Variants in CCDC85C observed in about 807,000 individuals in gnomAD.
CCDC85C encodes coiled-coil domain-containing protein 85C.
In CCDC85C, 18 loss-of-function variants were observed where a neutral mutation model predicts 38.3. The ratio of observed to expected loss-of-function variants is 0.47; its 90% CI spans 0.33 to 0.70. The LOEUF is 0.70. CCDC85C is among the 30% of genes least tolerant of loss of function. The probability of loss-of-function intolerance (pLI) is 0.03; values close to 1 mark genes in which losing one functional copy is unlikely to be tolerated. For synonymous variants in CCDC85C, 264 were observed against 293.8 expected (o/e 0.90, Z 1.04); for missense variants, 566 against 621.2 (o/e 0.91, Z 0.94).
At chr14:99,568,250 ATTTTT>A (rs3070390) in intron 1 of CCDC85C, among the ~76,000 whole-genome samples, 2 of 126,932 alleles carry the variant, frequency 1.6e-5, no homozygotes, top group African/African-American at 3.0e-5. Context: ...CCTGCCCTTT[ATTTTT>A]TTTTTTTTTT....
intron 1 of CCDC85C, among the ~76,000 whole-genome samples, chr14:99,589,832 C>T (rs552942758): frequency 7.9e-5 from 12 of 152,324 alleles, no homozygotes; most frequent in African/African-American, 2.9e-4. Context: ...CAGGAGAATC[C>T]CGCCACTGCC....
chr14:99,531,975 G>A (rs1897503128), intron 2 of CCDC85C, among the ~76,000 whole-genome samples: 1 of 152,212 alleles, frequency 6.6e-6, no homozygotes, highest in African/African-American at 2.4e-5. Flanking sequence ...TTCTGAGCAA[G>A]AACAGCCTCC....
rs1896800300 is a variant in CCDC85C at position 99,500,572 on chromosome 14, C to T, written c.*14674G>A. 3 of 543,968 alleles carry T rather than the reference C, an allele frequency of 5.5e-6. No individual in the cohort carries two copies. Among genetic ancestry groups the T allele is most frequent in the Admixed American group, 3.7e-5 (1 of 27,060 alleles). 33.7% of individuals were successfully genotyped at this position (543,968 alleles called of 1,614,324 possible). ...TACATTACACCTCTGCTTTGTCTTC[C>T]TGTTTGAGATCTTTTCAGAATTTAT... On this transcript the variant is annotated 3_prime_UTR_variant, in exon 6 of 6. Coordinates refer to ENST00000380243, the MANE Select transcript of CCDC85C (RefSeq NM_001144995.2).
At chr14:99,579,413 G>C (rs1036355742) in intron 1 of CCDC85C, among the ~76,000 whole-genome samples, 2 of 152,230 alleles carry the variant, frequency 1.3e-5, no homozygotes, top group African/African-American at 4.8e-5. Context: ...TGGGCTCAGA[G>C]ATACTCACAC....
At chr14:99,596,764 A>T (rs577353859) in intron 1 of CCDC85C, among the ~76,000 whole-genome samples, 1 of 152,296 alleles carries the variant, frequency 6.6e-6, no homozygotes, top group South Asian at 2.1e-4. Context: ...TCTTGTTGTT[A>T]TGTAGCAGGG....
At chr14:99,593,591 G>C (rs1334791950) in intron 1 of CCDC85C, among the ~76,000 whole-genome samples, 8 of 152,272 alleles carry the variant, frequency 5.3e-5, no homozygotes. Flanking sequence ...TCCGGCGTCT[G>C]TGCAGCACAG....
chr14:99,601,052 C>A (rs1356210402), intron 1 of CCDC85C, among the ~76,000 whole-genome samples: 1 of 152,146 alleles, frequency 6.6e-6, no homozygotes, highest in Non-Finnish European at 1.5e-5. Context: ...AAAGAAAGAA[C>A]AGCTCAGTTT....
rs763434759 is a variant in CCDC85C at position 99,603,824 on chromosome 14, T to A, written c.136A>T (p.Met46Leu). The A allele has an allele frequency of 2.6e-6, 4 of 1,524,402 alleles. No homozygotes were observed. Among genetic ancestry groups the A allele is most frequent in the Non-Finnish European group, 2.6e-6 (3 of 1,142,060 alleles). 94.4% of individuals were successfully genotyped at this position (1,524,402 alleles called of 1,614,324 possible). The change falls in exon 1 of 6, where the codon ATG becomes TTG. Residue 46 changes from methionine (M) to leucine (L), a missense_variant. Coordinates refer to ENST00000380243, the MANE Select transcript of CCDC85C (RefSeq NM_001144995.2). This position sits in a 1 kb window ranked among gnomAD's most constrained non-coding sequence, Gnocchi z 7.5. ...RRAEGEKVGL[M>L]LEHGGLMRDV... is the part of the protein sequence containing the mutation. ...CGCATCAGGCCGCCGTGCTCCAGCA[T>A]GAGGCCCACCTTCTCGCCCTCGGCG...
intron 1 of CCDC85C, among the ~76,000 whole-genome samples, chr14:99,570,006 AG>A (rs1267818814): frequency 1.3e-5 from 2 of 151,768 alleles, no homozygotes; most frequent in African/African-American, 4.8e-5. Flanking sequence ...CGTTACCCTG[AG>A]TGGTTCACAG....
intron 2 of CCDC85C, among the ~76,000 whole-genome samples, chr14:99,525,210 G>T (rs868332162): frequency 6.6e-6 from 1 of 152,182 alleles, no homozygotes; most frequent in Non-Finnish European, 1.5e-5. Flanking sequence ...GCGAGGACTC[G>T]CTGGGTGAAC....
chr14:99,512,680 A>C lies in CCDC85C; in HGVS notation c.*2566T>G, dbSNP rs558942238. 6.6e-6 allele frequency: 1 copy of C among 152,290 alleles called. No individual in the cohort carries two copies. The highest frequency in any genetic ancestry group is 6.5e-5 in the Admixed American group (1 of 15,300). 9.4% of individuals were successfully genotyped at this position (152,290 alleles called of 1,614,324 possible). On this transcript the variant is annotated 3_prime_UTR_variant, in exon 6 of 6. Transcript: ENST00000380243. Reference sequence around the variant, plus strand: ...TGCCAGTGCCGCGTCCGGCTTCAAGATCAAGAGTCAGAGCCTTTGAAATGG... The same window carrying C: ...TGCCAGTGCCGCGTCCGGCTTCAAGCTCAAGAGTCAGAGCCTTTGAAATGG...
rs1246641147 is a variant in CCDC85C, at chr14:99,544,130, C to T, written c.794-8042G>A. ...TCACACCAAGCTGACGAGGGACATC[C>T]TGTAACTGCTACCACTGTGTCATCG... On this transcript the variant is annotated intron_variant, in intron 1 of 5. Transcript: ENST00000380243. This position sits in a 1 kb window ranked among gnomAD's most constrained non-coding sequence, Gnocchi z 5.3. Among the ~76,000 whole-genome samples the T allele has an allele frequency of 6.6e-6, 1 of 152,184 alleles. No individual in the cohort carries two copies. The highest frequency in any genetic ancestry group is 1.5e-5 in the Non-Finnish European group (1 of 68,026).
rs1897220582 is a variant in CCDC85C, at chr14:99,516,115, G to A, written c.1170+73C>T. 2 of 1,138,156 alleles carry A rather than the reference G, an allele frequency of 1.8e-6. No individual in the cohort carries two copies. The highest frequency in any genetic ancestry group is 1.3e-6 in the Non-Finnish European group (1 of 773,924). The allele number at this position is 1,138,156 out of a possible 1,614,324, so 70.5% of individuals were successfully genotyped here. On this transcript the variant is annotated intron_variant, in intron 5 of 5. Coordinates refer to ENST00000380243, the MANE Select transcript of CCDC85C (RefSeq NM_001144995.2). The surrounding 1 kb of genome is among the most constrained non-coding windows in gnomAD (Gnocchi z 5.5). ...GAAATGGAGTCCCACATGGGGAAGG[G>A]TATGGCCATGCTGGGTGGCCCTGGT...
At chr14:99,589,637 G>A (rs1199730861) in intron 1 of CCDC85C, among the ~76,000 whole-genome samples, 14 of 152,328 alleles carry the variant, frequency 9.2e-5, no homozygotes, top group Admixed American at 7.2e-4. Context: ...GGGGGTTCAG[G>A]GGTCCCAGTT....
intron 1 of CCDC85C, among the ~76,000 whole-genome samples, chr14:99,573,132 G>T (rs1175124095): frequency 1.3e-5 from 2 of 152,220 alleles, no homozygotes; most frequent in African/African-American, 4.8e-5. Context: ...AGCTGCCTGG[G>T]CACCGCTTCA....
rs919871674 is a variant in CCDC85C at position 99,512,499 on chromosome 14, T to C, written c.*2747A>G. 42 of 152,278 alleles carry C rather than the reference T, an allele frequency of 2.8e-4. 1 individual carries two copies. Among genetic ancestry groups the C allele is most frequent in the Middle Eastern group, 3.4e-3 (1 of 292 alleles). The allele number at this position is 152,278 out of a possible 1,614,324, so 9.4% of individuals were successfully genotyped here. On this transcript the variant is annotated 3_prime_UTR_variant, in exon 6 of 6. Coordinates refer to ENST00000380243, the MANE Select transcript of CCDC85C (RefSeq NM_001144995.2). ...AGAAAAAAAAAATGAAAGGTCACTT[T>C]TTTCTCTTTAAACACTGATGTGTAG...
rs117603839 is a variant in CCDC85C at position 99,521,614 on chromosome 14, C to T, written c.975+519G>A. Among the ~76,000 whole-genome samples, 397 of 152,314 alleles carry T rather than the reference C, an allele frequency of 2.6e-3. 3 individuals are homozygous for T. Among genetic ancestry groups the T allele is most frequent in the Non-Finnish European group, 4.4e-3 (297 of 68,010 alleles). ...CCCCAGTCCTAGGAGGGCAAGTGGG[C>T]CTGGACTCCTGTGGCTCCCCACTGC... On this transcript the variant is annotated intron_variant, in intron 3 of 5. Coordinates refer to ENST00000380243, the MANE Select transcript of CCDC85C (RefSeq NM_001144995.2).
chr14:99,563,391 T>C (rs1384053515), intron 1 of CCDC85C, among the ~76,000 whole-genome samples: 1 of 152,282 alleles, frequency 6.6e-6, no homozygotes, highest in East Asian at 1.9e-4. Flanking sequence ...CCAGCAGGGC[T>C]GTGGGCAGGA....
Position 99,514,122 on chromosome 14 carries a change from TC to T in CCDC85C, c.*1123del, listed in dbSNP as rs1897182980. On this transcript the variant is annotated 3_prime_UTR_variant, in exon 6 of 6. Coordinates refer to ENST00000380243, the MANE Select transcript of CCDC85C (RefSeq NM_001144995.2). ...CCGTCGGCTGTTGGCTCACGCCCCCTCAGTGAGGACCCCTGCCCTGTGGCGC... is the reference window on the plus strand; with the variant it reads ...CCGTCGGCTGTTGGCTCACGCCCCCTAGTGAGGACCCCTGCCCTGTGGCGC... 1 of 152,138 alleles carries T rather than the reference TC, an allele frequency of 6.6e-6. No homozygotes were observed. 9.4% of individuals were successfully genotyped at this position (152,138 alleles called of 1,614,324 possible).
Sources: allele counts gnomAD v4.1 joint callset (sites outside exome capture counted in the v4.1 genomes callset), GRCh38; gene constraint gnomAD v4.1.1; non-coding constraint Gnocchi (gnomAD v3.1); transcripts MANE v1.5; gene names NCBI Gene and HGNC (gene_info 2026-07-23, HGNC 2026-07-21).